Variants in EYS observed in about 807,000 individuals in gnomAD.
EYS encodes the protein protein eyes shut homolog.
Under a neutral mutation model 282.1 loss-of-function variants are expected in EYS, and 250 were observed. The ratio of observed to expected loss-of-function variants is 0.89; its 90% confidence interval spans 0.80 to 0.98. The LOEUF (loss-of-function observed/expected upper bound fraction) is 0.98. Ranked by LOEUF, EYS falls within the 50% of genes least tolerant of loss-of-function variation. The pLI, the probability that EYS is intolerant of heterozygous loss-of-function variation, is 0.00. For synonymous variants in EYS, 1,355 were observed against 1,282.9 expected (o/e 1.06, Z -1.20); for missense variants, 4,016 against 3,709.0 (o/e 1.08, Z -2.15).
chr6:64,816,034 G>A (rs529581967), intron 21 of EYS, among the ~76,000 whole-genome samples: 4 of 152,162 alleles, frequency 2.6e-5, no homozygotes, highest in Non-Finnish European at 5.9e-5. Context: ...ATTACCCAAT[G>A]TCATCTTTAT....
chr6:64,391,215 A>C (rs986428577), intron 28 of EYS, among the ~76,000 whole-genome samples: 1 of 151,930 alleles, frequency 6.6e-6, no homozygotes, highest in Non-Finnish European at 1.5e-5. Context: ...GATATTATCC[A>C]GGAGAACTTC....
chr6:65,266,479 C>CATGAATGA (rs560489027), intron 12 of EYS, among the ~76,000 whole-genome samples: 1 of 151,626 alleles, frequency 6.6e-6, no homozygotes, highest in South Asian at 2.1e-4. Flanking sequence ...TGCATGCATG[C>CATGAATGA]ATGAATGAAT....
chr6:65,388,641 A>T (rs1201243202), intron 7 of EYS, among the ~76,000 whole-genome samples: 2 of 152,076 alleles, frequency 1.3e-5, no homozygotes, highest in African/African-American at 4.8e-5. Context: ...ACTTAGTAGG[A>T]GATGGTGGCA....
chr6:65,290,061 C>T (rs1370978417), intron 12 of EYS, among the ~76,000 whole-genome samples: 1 of 150,988 alleles, frequency 6.6e-6, no homozygotes, highest in Non-Finnish European at 1.5e-5. Flanking sequence ...AAATAAGAAA[C>T]TTTAATTTAA....
In EYS at chr6:64,550,794, A is replaced by G. The variant is rs1005698328; in HGVS notation, c.5644+39429T>C. ...GATACAAAATCAATGTGCAAAAATC[A>G]CAAGCATTCTTATACACCAATAACA... On this transcript the variant is annotated intron_variant, in intron 26 of 42. Coordinates refer to ENST00000503581, the MANE Select transcript of EYS (RefSeq NM_001142800.2). Among the ~76,000 whole-genome samples the G allele has an allele frequency of 7.2e-5, 11 of 152,236 alleles. No homozygotes were observed. In the South Asian group the frequency reaches 1.4e-3, roughly 20 times the overall value.
At chr6:64,087,145 A>G (rs1481926023) in intron 31 of EYS, among the ~76,000 whole-genome samples, 6 of 152,126 alleles carry the variant, frequency 3.9e-5, no homozygotes, top group African/African-American at 1.4e-4. Flanking sequence ...TGGATGTTGC[A>G]TATCTGTTGA....
At chr6:64,167,000 C>T (rs183142927) in intron 31 of EYS, among the ~76,000 whole-genome samples, 3 of 152,310 alleles carry the variant, frequency 2.0e-5, no homozygotes, top group East Asian at 3.9e-4. Flanking sequence ...TTTTCCACCA[C>T]GTGCACACAA....
intron 22 of EYS, among the ~76,000 whole-genome samples, chr6:64,762,565 T>C (rs549621839): frequency 6.6e-6 from 1 of 152,256 alleles, no homozygotes; most frequent in South Asian, 2.1e-4. Flanking sequence ...ATCTTTTCTT[T>C]TTTTCTGTTG....
chr6:64,293,739 T>C (rs930012318), intron 30 of EYS, among the ~76,000 whole-genome samples: 3 of 152,164 alleles, frequency 2.0e-5, no homozygotes, highest in East Asian at 1.9e-4. Flanking sequence ...CTCTGACTTA[T>C]AAGTATTACT....
chr6:64,988,178 G>C (rs778230944), intron 14 of EYS, among the ~76,000 whole-genome samples: 40 of 151,326 alleles, frequency 2.6e-4, no homozygotes, highest in Non-Finnish European at 5.8e-4. Context: ...GACCTAAAAG[G>C]CTGTGCCACT....
At chr6:65,702,736 T>G (rs1769724220) in intron 1 of EYS, among the ~76,000 whole-genome samples, 1 of 151,728 alleles carries the variant, frequency 6.6e-6, no homozygotes, top group Admixed American at 6.6e-5. Context: ...AAATAAAATA[T>G]ATAAGGCAGT....
At chr6:65,160,914 C>G (rs1304041954) in intron 12 of EYS, among the ~76,000 whole-genome samples, 1 of 138,586 alleles carries the variant, frequency 7.2e-6, no homozygotes, top group African/African-American at 3.0e-5. Flanking sequence ...TCTGAGGCCT[C>G]AATTTTTGGT....
chr6:64,041,274 C>A (rs1770378241), intron 33 of EYS, among the ~76,000 whole-genome samples: 1 of 151,954 alleles, frequency 6.6e-6, no homozygotes, highest in Non-Finnish European at 1.5e-5. Context: ...ATGAAAAAAA[C>A]AATTCCCTTA....
chr6:63,954,166 C>T (rs1765715414), intron 35 of EYS, among the ~76,000 whole-genome samples: 1 of 152,156 alleles, frequency 6.6e-6, no homozygotes, highest in Admixed American at 6.5e-5. Context: ...ATCTCTGATC[C>T]ACCTGACATT....
chr6:64,441,045 T>A (rs769058850), intron 26 of EYS, among the ~76,000 whole-genome samples: 3 of 152,148 alleles, frequency 2.0e-5, no homozygotes, highest in Admixed American at 6.6e-5. Flanking sequence ...GGTGAAAGAA[T>A]GGTAAAATCA....
intron 41 of EYS, among the ~76,000 whole-genome samples, chr6:63,751,176 T>C (rs72886341): frequency 0.07 from 10,594 of 152,260 alleles, 550 homozygotes; most frequent in Non-Finnish European, 0.11. Flanking sequence ...AAGCTTAGTC[T>C]ATGTCATAAA....
At chr6:65,455,751 G>A (rs369552831) in intron 5 of EYS, among the ~76,000 whole-genome samples, 35 of 152,020 alleles carry the variant, frequency 2.3e-4, no homozygotes, top group African/African-American at 7.0e-4. Context: ...AAATTGAATC[G>A]GTAACAAAAA....
intron 2 of EYS, among the ~76,000 whole-genome samples, chr6:65,630,504 A>C (rs1403773698): frequency 6.6e-6 from 1 of 152,216 alleles, no homozygotes; most frequent in Non-Finnish European, 1.5e-5. Flanking sequence ...AAATATTTTG[A>C]CCAATATTTA....
At chr6:63,760,113 T>G (rs1769593247) in intron 41 of EYS, among the ~76,000 whole-genome samples, 1 of 152,064 alleles carries the variant, frequency 6.6e-6, no homozygotes. Flanking sequence ...GGAAACATTT[T>G]CAATATTTGC....
Sources: gnomAD v4.1 joint callset for allele counts (sites outside exome capture counted in the v4.1 genomes callset) on GRCh38, gnomAD v4.1.1 for gene constraint, MANE v1.5 for transcripts, NCBI Gene and HGNC (gene_info 2026-07-23, HGNC 2026-07-21) for gene names.